The following MEGF6 variants were observed in gnomAD, a reference collection of about 807,000 sequenced individuals.
MEGF6 encodes the protein multiple epidermal growth factor-like domains protein 6.
MEGF6 carries 184 observed loss-of-function variants against 207.1 expected under a neutral mutation model. That is an observed-to-expected ratio of 0.89 (90% CI 0.79 to 1.00). The LOEUF is 1.00. MEGF6 is among the 50% of genes least tolerant of loss of function. The pLI, the probability that MEGF6 is intolerant of heterozygous loss-of-function variation, is 0.00. For synonymous variants in MEGF6, 1,038 were observed against 910.0 expected, an observed-to-expected ratio of 1.14 and a Z score of -2.53; for missense variants, 2,282 against 2,202.9, an observed-to-expected ratio of 1.04 and a Z score of -0.72.
intron 4 of MEGF6, among the ~76,000 whole-genome samples, chr1:3,578,894 G>A (rs1026914510): frequency 1.3e-5 from 2 of 150,854 alleles, no homozygotes; most frequent in Non-Finnish European, 2.9e-5. Flanking sequence ...TCCTCAGCCC[G>A]GCCCCCAGCG....
chr1:3,503,327 T>C (rs1640975939), intron 17 of MEGF6, among the ~76,000 whole-genome samples: 1 of 152,306 alleles, frequency 6.6e-6, no homozygotes, highest in African/African-American at 2.4e-5. Flanking sequence ...AGATGAGTGC[T>C]GGGCAGGAAC....
Position 3,513,138 on chromosome 1 carries a change from G to T in MEGF6, c.854-1010C>A, listed in dbSNP as rs533198517. On this transcript the variant is annotated intron_variant, in intron 7 of 36. Transcript: ENST00000356575. The stretch of plus-strand genomic sequence containing the variant: ...GAAGCAGCCCATCCCATACGTCTAG[G>T]TGTTTCCTGGGCTCAGGAACAATGT... 2.2e-3 allele frequency among the ~76,000 whole-genome samples: 338 copies of T among 152,254 alleles called. 1 individual carries two copies. Among genetic ancestry groups the T allele is most frequent in the Middle Eastern group, 3.4e-3 (1 of 294 alleles).
chr1:3,492,831 G>T, intron 34 of MEGF6, 64 bp from the exon 35 acceptor site: 1 of 1,572,622 alleles, frequency 6.4e-7, no homozygotes, highest in Non-Finnish European at 8.7e-7. Flanking sequence ...GCGCCAAGGA[G>T]CCTGGGCCTA....
rs999325674 is a variant in MEGF6, at chr1:3,594,235, C to G, written c.376+1103G>C. On this transcript the variant is annotated intron_variant, in intron 3 of 36. Coordinates refer to ENST00000356575, the MANE Select transcript of MEGF6 (RefSeq NM_001409.4). The surrounding 1 kb of genome is among the most constrained non-coding windows in gnomAD (Gnocchi z 4.2). ...CTTGAGCCTAGGAGCTCAAGACCAG[C>G]CTGGGCAACATGGTGAGACCCTGTC... Among the ~76,000 whole-genome samples, 2 of 152,162 alleles carry G rather than the reference C, an allele frequency of 1.3e-5. No homozygotes were observed. The highest frequency in any genetic ancestry group is 4.8e-5 in the African/African-American group (2 of 41,436).
intron 27 of MEGF6, 31 bp from the exon 28 acceptor site, chr1:3,497,150 C>A (rs1319979082): frequency 6.5e-7 from 1 of 1,544,036 alleles, no homozygotes; most frequent in African/African-American, 1.4e-5. Flanking sequence ...TCGGTCCTGG[C>A]CCAGCCCCGC....
At chr1:3,591,294 C>T (rs1056822489) in intron 3 of MEGF6, among the ~76,000 whole-genome samples, 1 of 152,182 alleles carries the variant, frequency 6.6e-6, no homozygotes, top group African/African-American at 2.4e-5. Flanking sequence ...CCAGAACCAC[C>T]GAGCAGGGGG....
chr1:3,495,853 A>G, intron 30 of MEGF6, 37 bp downstream of exon 30: 1 of 1,588,908 alleles, frequency 6.3e-7, no homozygotes, highest in Non-Finnish European at 8.5e-7. Context: ...ATCTCTGTGA[A>G]GGGCCTGTGA....
At chr1:3,590,587 C>T (rs1044631958) in intron 3 of MEGF6, among the ~76,000 whole-genome samples, 5 of 152,166 alleles carry the variant, frequency 3.3e-5, no homozygotes, top group African/African-American at 4.8e-5. Flanking sequence ...GCCTACTCCT[C>T]GCTCCTACAC....
chr1:3,508,740 C>G (rs1641214230), intron 12 of MEGF6, 51 bp from the exon 13 acceptor site: 1 of 1,597,978 alleles, frequency 6.3e-7, no homozygotes, highest in Non-Finnish European at 8.5e-7. Flanking sequence ...CTGGCCTCAG[C>G]AGGCACAGAG....
In MEGF6 at chr1:3,553,022, A is replaced by G. The variant is rs1642931994; in HGVS notation, c.481+26803T>C. Among the ~76,000 whole-genome samples the G allele has an allele frequency of 2.0e-5, 3 of 152,056 alleles. No individual in the cohort carries two copies. In the South Asian group the frequency reaches 6.2e-4, roughly 32 times the overall value. On this transcript the variant is annotated intron_variant, in intron 4 of 36. Coordinates refer to ENST00000356575, the MANE Select transcript of MEGF6 (RefSeq NM_001409.4). Reference sequence around the variant, plus strand: ...AGGTGCCCAGCCCCTAATCCCCTCCAGACAGACCTAGCTGCCACTAGGGCT... The same window carrying G: ...AGGTGCCCAGCCCCTAATCCCCTCCGGACAGACCTAGCTGCCACTAGGGCT...
chr1:3,543,101 C>G (rs958581531), intron 4 of MEGF6, among the ~76,000 whole-genome samples: 4 of 152,234 alleles, frequency 2.6e-5, no homozygotes, highest in African/African-American at 9.6e-5. Flanking sequence ...CCCAGCAGAG[C>G]AGAGCTCAGC....
At position 3,542,339 on chromosome 1, in the gene MEGF6, C is replaced by T. The variant is rs1557763481; in HGVS notation, c.482-18093G>A. Among the ~76,000 whole-genome samples the T allele has an allele frequency of 3.3e-5, 5 of 152,238 alleles. 1 individual carries two copies. The highest frequency in any genetic ancestry group is 4.1e-4 in the South Asian group (2 of 4,838). The stretch of plus-strand genomic sequence containing the variant: ...TTCCAGCCAAACCATGGGCTTAATG[C>T]GAGGGTTGGACCCATTTTATAGGTG... On this transcript the variant is annotated intron_variant, in intron 4 of 36. Coordinates refer to ENST00000356575, the MANE Select transcript of MEGF6 (RefSeq NM_001409.4).
intron 4 of MEGF6, among the ~76,000 whole-genome samples, chr1:3,526,527 T>C (rs980166805): frequency 6.6e-6 from 1 of 151,912 alleles, no homozygotes; most frequent in Non-Finnish European, 1.5e-5. Flanking sequence ...GCCTCCTTAG[T>C]AGCTGGGATT....
At chr1:3,524,848 C>T (rs1641901051) in intron 4 of MEGF6, among the ~76,000 whole-genome samples, 1 of 152,128 alleles carries the variant, frequency 6.6e-6, no homozygotes, top group East Asian at 1.9e-4. Context: ...ATCCAATGCG[C>T]CTATCCCAAC....
chr1:3,545,990 G>A (rs1414955688), intron 4 of MEGF6, among the ~76,000 whole-genome samples: 2 of 151,920 alleles, frequency 1.3e-5, no homozygotes, highest in Non-Finnish European at 2.9e-5. Context: ...AGACAGCGTT[G>A]CGTTTGGCAA....
At chr1:3,515,583 T>G (rs1439774753) in intron 5 of MEGF6, 56 bp from the exon 6 acceptor site, 1 of 1,583,846 alleles carries the variant, frequency 6.3e-7, no homozygotes, top group Non-Finnish European at 8.6e-7. Context: ...GCCGACAGTC[T>G]GTCCCTGGCT....
intron 30 of MEGF6, 66 bp downstream of exon 30, chr1:3,495,824 C>A: frequency 6.4e-7 from 1 of 1,558,432 alleles, no homozygotes; most frequent in South Asian, 1.2e-5. Flanking sequence ...TCCAGTGTCC[C>A]CACGGCTAAT....
chr1:3,499,048 C>G lies in MEGF6; in HGVS notation c.3094+90G>C, dbSNP rs796114916. On this transcript the variant is annotated intron_variant, in intron 24 of 36. Coordinates refer to ENST00000356575, the MANE Select transcript of MEGF6 (RefSeq NM_001409.4). ...CCTAACAGCCCCTTCCTCCCTCCCC[C>G]AGGCACCAAGTGTCCTGTGGGCCCT... 3.3e-6 allele frequency: 5 copies of G among 1,525,934 alleles called. No individual in the cohort carries two copies. In the African/African-American group the frequency reaches 5.5e-5, roughly 17 times the overall value. 94.5% of individuals were successfully genotyped at this position (1,525,934 alleles called of 1,614,324 possible).
rs372481170 is a variant in MEGF6 at position 3,494,718 on chromosome 1, C to T, written c.3895G>A (p.Val1299Met). 4.1e-5 allele frequency: 65 copies of T among 1,588,462 alleles called. No homozygotes were observed. The highest frequency in any genetic ancestry group is 3.2e-4 in the East Asian group (14 of 43,814). The part of the protein sequence containing the change: ...ERGCPQNRFG[V>M]GCEHTCSCRN... ...CAGGAGCAGGTGTGCTCGCAGCCCA[C>T]GCCAAACCGGTTCTGGGGGCAGCCT... is the stretch of plus-strand genomic sequence containing the variant. The change falls in exon 31 of 37, where the codon GTG becomes ATG. Residue 1299 changes from valine (V) to methionine (M), a missense_variant. Physicochemically the swap from Val to Met is conservative, Grantham distance 21 (BLOSUM62 1). Coordinates refer to ENST00000356575, the MANE Select transcript of MEGF6 (RefSeq NM_001409.4).
Sources: allele counts gnomAD v4.1 joint callset (sites outside exome capture counted in the v4.1 genomes callset), GRCh38; gene constraint gnomAD v4.1.1; non-coding constraint Gnocchi (gnomAD v3.1); transcripts MANE v1.5; gene names NCBI Gene and HGNC (gene_info 2026-07-23, HGNC 2026-07-21).